The following CPPED1 variants were observed in gnomAD, a reference collection of about 807,000 sequenced individuals.
CPPED1 encodes calcineurin like phosphoesterase domain containing 1.
A neutral mutation model predicts 28.0 loss-of-function variants in CPPED1; 28 were observed. That is an observed-to-expected ratio of 1.00 (90% CI 0.74 to 1.37). The LOEUF is 1.37. CPPED1 is among the 40% of genes most tolerant of loss of function. The pLI is 0.00. For synonymous variants in CPPED1, 198 were observed against 180.2 expected (o/e 1.10, Z -0.79); for missense variants, 504 against 416.5 (o/e 1.21, Z -1.83).
chr16:12,773,084 A>T (rs1264233541), intron 2 of CPPED1, among the ~76,000 whole-genome samples: 2 of 152,166 alleles, frequency 1.3e-5, no homozygotes, highest in African/African-American at 4.8e-5. Context: ...TGAACTTTTG[A>T]GATGGTAGGT....
chr16:12,725,033 G>C (rs769238094), intron 2 of CPPED1, among the ~76,000 whole-genome samples: 8 of 151,918 alleles, frequency 5.3e-5, no homozygotes, highest in Non-Finnish European at 7.4e-5. Context: ...TGATCCACCT[G>C]CCTTGGCCTC....
At chr16:12,693,353 C>A (rs138881490) in intron 3 of CPPED1, among the ~76,000 whole-genome samples, 1 of 152,140 alleles carries the variant, frequency 6.6e-6, no homozygotes, top group East Asian at 1.9e-4. Flanking sequence ...ACCACAATGC[C>A]TGGACTCATT....
intron 3 of CPPED1, among the ~76,000 whole-genome samples, chr16:12,680,368 A>C (rs2079898486): frequency 6.6e-6 from 1 of 152,056 alleles, no homozygotes; most frequent in Non-Finnish European, 1.5e-5. Flanking sequence ...GAACCTTCAG[A>C]AGGTGGAACA....
intron 3 of CPPED1, among the ~76,000 whole-genome samples, chr16:12,688,634 G>T (rs753758563): frequency 3.9e-5 from 6 of 152,008 alleles, no homozygotes; most frequent in Non-Finnish European, 7.4e-5. Context: ...ATCGCGCCCA[G>T]CCCCTACTCC....
At chr16:12,794,535 C>T (rs762269302) in intron 1 of CPPED1, among the ~76,000 whole-genome samples, 14 of 145,164 alleles carry the variant, frequency 9.6e-5, no homozygotes, top group Non-Finnish European at 2.1e-4. Flanking sequence ...GTACAGGTTG[C>T]ATATCTCTTA....
In CPPED1 at chr16:12,659,931, G is replaced by A. The variant is rs1258011662; in HGVS notation, c.*4955C>T. ...GCAACAGGAAAGAAAGAGTGTGAAG[G>A]AGCTATCAAACACAAAACCATCAGT... On this transcript the variant is annotated 3_prime_UTR_variant, in exon 4 of 4. Transcript: ENST00000381774. The A allele has an allele frequency of 6.6e-6, 1 of 152,156 alleles. No homozygotes were observed. The highest frequency in any genetic ancestry group is 1.9e-4 in the East Asian group (1 of 5,192). The allele number at this position is 152,156 out of a possible 1,614,324, so 9.4% of individuals were successfully genotyped here. A position where few individuals can be genotyped will look rare whatever the true frequency, so the allele number is the denominator to read the frequency against.
rs1208098404 is a variant in CPPED1, at chr16:12,663,992, TG to T, written c.*893del. 5 of 152,338 alleles carry T rather than the reference TG, an allele frequency of 3.3e-5. No individual in the cohort carries two copies. In the East Asian group the frequency reaches 9.6e-4, roughly 29 times the overall value. 9.4% of individuals were successfully genotyped at this position (152,338 alleles called of 1,614,324 possible). A position where few individuals can be genotyped will look rare whatever the true frequency, so the allele number is the denominator to read the frequency against. On this transcript the variant is annotated 3_prime_UTR_variant, in exon 4 of 4. Coordinates refer to ENST00000381774, the MANE Select transcript of CPPED1 (RefSeq NM_018340.3). ...CTGAAGGCACCGTTTTGGCCTTTTT[TG>T]TTTCTTTTGAGAGCTCTGCATACAT...
chr16:12,686,649 G>T (rs1205935379), intron 3 of CPPED1, among the ~76,000 whole-genome samples: 4 of 152,320 alleles, frequency 2.6e-5, no homozygotes, highest in African/African-American at 9.6e-5. Flanking sequence ...GAGGATGCTG[G>T]GATGGGAAAG....
At chr16:12,734,318 C>A (rs928049909) in intron 2 of CPPED1, among the ~76,000 whole-genome samples, 2 of 151,994 alleles carry the variant, frequency 1.3e-5, no homozygotes, top group Admixed American at 6.6e-5. Context: ...GATCTGCCCA[C>A]CTCGGCCTCC....
intron 3 of CPPED1, among the ~76,000 whole-genome samples, chr16:12,675,701 C>T (rs1450102638): frequency 2.6e-5 from 4 of 152,208 alleles, no homozygotes; most frequent in African/African-American, 9.7e-5. Flanking sequence ...TTTTATCCTG[C>T]ATGAGACTAT....
chr16:12,697,013 C>A (rs1760291499), intron 3 of CPPED1, among the ~76,000 whole-genome samples: 1 of 152,026 alleles, frequency 6.6e-6, no homozygotes, highest in African/African-American at 2.4e-5. Context: ...TTTACTGAAT[C>A]ATTTTCTTTA....
In CPPED1 at chr16:12,662,168, G is replaced by GT. The variant is rs1190619328; in HGVS notation, c.*2717dup. The GT allele has an allele frequency of 6.6e-6, 1 of 152,082 alleles. No individual in the cohort carries two copies. Among genetic ancestry groups the GT allele is most frequent in the Non-Finnish European group, 1.5e-5 (1 of 68,034 alleles). The allele number at this position is 152,082 out of a possible 1,614,324, so 9.4% of individuals were successfully genotyped here. A position where few individuals can be genotyped will look rare whatever the true frequency, so the allele number is the denominator to read the frequency against. On this transcript the variant is annotated 3_prime_UTR_variant, in exon 4 of 4. Transcript: ENST00000381774. ...CTTAGAATCAGGAAGTCCTTTTATC[G>GT]TTTTTCACAGTATAAGGCACTTATT...
chr16:12,670,916 T>C lies in CPPED1; in HGVS notation c.716-5801A>G, dbSNP rs1567271609. Among the ~76,000 whole-genome samples, 1 of 152,192 alleles carries C rather than the reference T, an allele frequency of 6.6e-6. No homozygotes were observed. The highest frequency in any genetic ancestry group is 1.5e-5 in the Non-Finnish European group (1 of 68,040). ...CCCATGCTGAAGTACAGTGGTGCGA[T>C]CTCGGCTCACTGCAAACTCCGCCTC... On this transcript the variant is annotated intron_variant, in intron 3 of 3. Transcript: ENST00000381774. This position sits in a 1 kb window ranked among gnomAD's most constrained non-coding sequence, Gnocchi z 4.2.
chr16:12,797,980 G>C lies in CPPED1; in HGVS notation c.70+5727C>G, dbSNP rs533440499. On this transcript the variant is annotated intron_variant, in intron 1 of 3. Transcript: ENST00000381774. ...CGCCTGTAGTCTCAGCTACTCAGGA[G>C]GCTGAGGTGGGAGGATCACTTAAGC... Among the ~76,000 whole-genome samples the C allele has an allele frequency of 3.9e-5, 6 of 152,286 alleles. No homozygotes were observed. The South Asian group carries it at 1.2e-3, about 32-fold the overall frequency.
At chr16:12,730,018 T>G (rs985321583) in intron 2 of CPPED1, among the ~76,000 whole-genome samples, 1 of 152,180 alleles carries the variant, frequency 6.6e-6, no homozygotes, top group Non-Finnish European at 1.5e-5. Flanking sequence ...CATGCCACCA[T>G]GCCTGGCTGA....
chr16:12,704,663 A>G lies in CPPED1; in HGVS notation c.676T>C (p.Ser226Pro). 1 of 1,613,618 alleles carries G rather than the reference A, an allele frequency of 6.2e-7. No homozygotes were observed. The highest frequency in any genetic ancestry group is 8.5e-7 in the Non-Finnish European group (1 of 1,179,600). The change falls in exon 3 of 4, where the codon TCC (serine) becomes CCC (proline). Residue 226 changes from serine (S) to proline (P), a missense_variant. By Grantham distance (74) the Ser-to-Pro change is moderately conservative. Coordinates refer to ENST00000381774, the MANE Select transcript of CPPED1 (RefSeq NM_018340.3). Reference protein sequence around the residue: ...DDDYYFNLSKSTRKKLADKFI... With the variant: ...DDDYYFNLSKPTRKKLADKFI... ...TTGTCTGCCAACTTCTTCCGAGTGG[A>G]CTTGCTGAGGTTGAAGTAGTAGTCG...
chr16:12,781,147 G>A (rs2080528043), intron 2 of CPPED1, 38 bp downstream of exon 2: 6 of 1,575,230 alleles, frequency 3.8e-6, no homozygotes, highest in Non-Finnish European at 5.2e-6. Flanking sequence ...ATGACCGGCT[G>A]AAGGAGAAAA....
At chr16:12,798,671 C>A (rs1352840406) in intron 1 of CPPED1, among the ~76,000 whole-genome samples, 3 of 152,180 alleles carry the variant, frequency 2.0e-5, no homozygotes, top group African/African-American at 7.2e-5. Flanking sequence ...AAATATCAAA[C>A]TGGAAAAACA....
At chr16:12,722,071 C>T (rs990817967) in intron 2 of CPPED1, among the ~76,000 whole-genome samples, 4 of 152,114 alleles carry the variant, frequency 2.6e-5, no homozygotes, top group African/African-American at 4.8e-5. Flanking sequence ...AATAAGACCT[C>T]GCTAATCCCT....
Sources: gnomAD v4.1 joint callset for allele counts (sites outside exome capture counted in the v4.1 genomes callset) on GRCh38, gnomAD v4.1.1 for gene constraint, Gnocchi (gnomAD v3.1) non-coding constraint, MANE v1.5 for transcripts, NCBI Gene and HGNC (gene_info 2026-07-23, HGNC 2026-07-21) for gene names.